The following KCTD16 variants were observed in gnomAD, a reference collection of about 807,000 sequenced individuals.
KCTD16 encodes the protein BTB/POZ domain-containing protein KCTD16.
Under a neutral mutation model 33.2 loss-of-function variants are expected in KCTD16, and 13 were observed. The ratio of observed to expected loss-of-function variants is 0.39; its 90% confidence interval spans 0.25 to 0.62. The LOEUF is 0.62. Among genes scored for constraint, KCTD16 ranks in the 20% least tolerant of loss-of-function variants. The pLI is 0.50. For missense variants in KCTD16, 441 were observed against 525.1 expected (o/e 0.84, Z 1.57); for synonymous variants, 197 against 195.3 (o/e 1.01, Z -0.07).
intron 3 of KCTD16, among the ~76,000 whole-genome samples, chr5:144,413,536 GA>G (rs1752979738): frequency 6.6e-6 from 1 of 152,112 alleles, no homozygotes; most frequent in African/African-American, 2.4e-5. Context: ...TATTTTTCAG[GA>G]ATGTATCATC....
At chr5:144,344,139 G>A (rs1418132187) in intron 3 of KCTD16, among the ~76,000 whole-genome samples, 1 of 152,112 alleles carries the variant, frequency 6.6e-6, no homozygotes, top group Non-Finnish European at 1.5e-5. Context: ...ATAGTGCTGG[G>A]AAAACTGGCT....
intron 3 of KCTD16, among the ~76,000 whole-genome samples, chr5:144,453,572 A>G (rs1340473661): frequency 3.9e-5 from 6 of 152,124 alleles, no homozygotes; most frequent in Admixed American, 1.3e-4. Context: ...ATTACTAGGA[A>G]CCTCAATTTA....
At chr5:144,241,659 A>T (rs1233025973) in intron 3 of KCTD16, among the ~76,000 whole-genome samples, 1 of 152,220 alleles carries the variant, frequency 6.6e-6, no homozygotes, top group East Asian at 1.9e-4. Flanking sequence ...GTAAGTAAGC[A>T]TTAGGAGAGA....
chr5:144,222,335 C>T (rs965862841), intron 3 of KCTD16, among the ~76,000 whole-genome samples: 12 of 151,900 alleles, frequency 7.9e-5, no homozygotes, highest in Non-Finnish European at 1.6e-4. Context: ...ATAAGACTAG[C>T]GATTAAAGAA....
intron 2 of KCTD16, among the ~76,000 whole-genome samples, chr5:144,180,063 G>C (rs1463963760): frequency 6.6e-6 from 1 of 152,150 alleles, no homozygotes; most frequent in East Asian, 1.9e-4. Context: ...TTCCATACAA[G>C]CCAGGATCAC....
chr5:144,436,590 C>CTT (rs112607433), intron 3 of KCTD16, among the ~76,000 whole-genome samples: 1,809 of 142,394 alleles, frequency 0.013, 37 homozygotes, highest in African/African-American at 0.043. Flanking sequence ...TGTTTAACTT[C>CTT]TTTTTTTTTT....
intron 3 of KCTD16, among the ~76,000 whole-genome samples, chr5:144,292,568 T>C (rs1448012866): frequency 6.6e-6 from 1 of 152,156 alleles, no homozygotes; most frequent in Non-Finnish European, 1.5e-5. Context: ...CTGTTCAATA[T>C]GGATTACACC....
Position 144,479,177 on chromosome 5 carries a change from A to G in KCTD16, c.*5063A>G, listed in dbSNP as rs762292414. The G allele has an allele frequency of 6.6e-6, 1 of 151,920 alleles. No homozygotes were observed. The highest frequency in any genetic ancestry group is 1.5e-5 in the Non-Finnish European group (1 of 67,900). The allele number at this position is 151,920 out of a possible 1,614,324, so 9.4% of individuals were successfully genotyped here. A position where few individuals can be genotyped will look rare whatever the true frequency, so the allele number is the denominator to read the frequency against. On this transcript the variant is annotated 3_prime_UTR_variant, in exon 4 of 4. Coordinates refer to ENST00000512467, the MANE Select transcript of KCTD16 (RefSeq NM_020768.4). ...TGATTCCATTAACTGCACATAAAAT[A>G]TAACCAAAATGAATATGGAATGATT...
At chr5:144,356,930 A>G (rs545737835) in intron 3 of KCTD16, among the ~76,000 whole-genome samples, 268 of 151,822 alleles carry the variant, frequency 1.8e-3, no homozygotes, top group Non-Finnish European at 3.4e-3. Flanking sequence ...TTTCTTGTAT[A>G]TTAAATAACT....
chr5:144,350,771 CTT>C (rs561403198), intron 3 of KCTD16, among the ~76,000 whole-genome samples: 2 of 144,962 alleles, frequency 1.4e-5, no homozygotes, highest in African/African-American at 5.0e-5. Flanking sequence ...TTGGTGGTTT[CTT>C]TTTTTTTTTC....
intron 3 of KCTD16, among the ~76,000 whole-genome samples, chr5:144,213,478 C>A (rs1753463873): frequency 6.6e-6 from 1 of 150,620 alleles, no homozygotes; most frequent in African/African-American, 2.4e-5. Flanking sequence ...ATCAAGTTGT[C>A]ATGTTGAATA....
At chr5:144,436,821 C>G (rs188801410) in intron 3 of KCTD16, among the ~76,000 whole-genome samples, 1 of 151,936 alleles carries the variant, frequency 6.6e-6, no homozygotes, top group Non-Finnish European at 1.5e-5. Context: ...CTCCTGACCT[C>G]GTGATCCTCC....
At chr5:144,179,128 G>T (rs952219) in intron 2 of KCTD16, among the ~76,000 whole-genome samples, 2 of 151,962 alleles carry the variant, frequency 1.3e-5, no homozygotes, top group African/African-American at 4.8e-5. Flanking sequence ...GGTATGTATT[G>T]TAAGACCTAC....
chr5:144,220,157 C>G (rs1212832744), intron 3 of KCTD16, among the ~76,000 whole-genome samples: 9 of 152,198 alleles, frequency 5.9e-5, no homozygotes, highest in Admixed American at 5.9e-4. Context: ...CCCCCAAACA[C>G]TCATCCTTCC....
chr5:144,228,088 G>A (rs1172881431), intron 3 of KCTD16, among the ~76,000 whole-genome samples: 2 of 152,100 alleles, frequency 1.3e-5, no homozygotes, highest in South Asian at 2.1e-4. Flanking sequence ...TATAAAGCTG[G>A]GAGTCATCAC....
chr5:144,310,201 T>A (rs1056967857), intron 3 of KCTD16, among the ~76,000 whole-genome samples: 1 of 152,198 alleles, frequency 6.6e-6, no homozygotes, highest in African/African-American at 2.4e-5. Context: ...GACCTCCAAT[T>A]CCATCCATGT....
At chr5:144,379,058 T>C (rs1395391594) in intron 3 of KCTD16, among the ~76,000 whole-genome samples, 1 of 152,212 alleles carries the variant, frequency 6.6e-6, no homozygotes, top group African/African-American at 2.4e-5. Flanking sequence ...GTTTGGCAAT[T>C]GTCAGATGAA....
chr5:144,247,301 G>A (rs943747336), intron 3 of KCTD16, among the ~76,000 whole-genome samples: 6 of 152,112 alleles, frequency 3.9e-5, no homozygotes, highest in African/African-American at 1.2e-4. Flanking sequence ...ACTTCCTCTG[G>A]GGGCCCTGAG....
chr5:144,223,660 G>T (rs1487505190), intron 3 of KCTD16, among the ~76,000 whole-genome samples: 124 of 147,822 alleles, frequency 8.4e-4, no homozygotes, highest in African/African-American at 2.9e-3. Flanking sequence ...TTTTTTTTTT[G>T]ATCCTAGGCT....
Sources: gnomAD v4.1 joint callset for allele counts (sites outside exome capture counted in the v4.1 genomes callset) on GRCh38, gnomAD v4.1.1 for gene constraint, MANE v1.5 for transcripts, NCBI Gene and HGNC (gene_info 2026-07-23, HGNC 2026-07-21) for gene names.